MARCHF3: variants seen among roughly 807,000 people sequenced by gnomAD.
MARCHF3 encodes E3 ubiquitin-protein ligase MARCHF3.
A neutral mutation model predicts 24.2 loss-of-function variants in MARCHF3; 13 were observed. That is an observed-to-expected ratio of 0.54 (90% CI 0.35 to 0.85). MARCHF3 has a LOEUF of 0.85. Ranked by LOEUF, MARCHF3 falls within the 40% of genes least tolerant of loss-of-function variation. The probability of loss-of-function intolerance (pLI) is 0.01; values close to 1 mark genes in which losing one functional copy is unlikely to be tolerated. For missense variants in MARCHF3, 276 were observed against 325.0 expected, an observed-to-expected ratio of 0.85 and a Z score of 1.16; for synonymous variants, 144 against 137.3, an observed-to-expected ratio of 1.05 and a Z score of -0.34.
At chr5:126,965,802 C>T (rs954036837) in intron 1 of MARCHF3, among the ~76,000 whole-genome samples, 10 of 152,136 alleles carry the variant, frequency 6.6e-5, no homozygotes, top group African/African-American at 2.4e-4. Context: ...AATGGTGCAA[C>T]TGTCTGGGAA....
At chr5:127,028,710 AT>A (rs148592007) in intron 1 of MARCHF3, among the ~76,000 whole-genome samples, 11 of 151,368 alleles carry the variant, frequency 7.3e-5, no homozygotes, top group African/African-American at 4.9e-5. Flanking sequence ...TTCTGGAGGG[AT>A]TTTTTTTTCT....
chr5:127,000,014 C>T (rs1050128068), intron 1 of MARCHF3, among the ~76,000 whole-genome samples: 3 of 148,746 alleles, frequency 2.0e-5, no homozygotes, highest in African/African-American at 7.4e-5. Flanking sequence ...CTATAAAGTA[C>T]ATTAGAATAT....
chr5:126,890,897 CCCA>C (rs1268329306), intron 3 of MARCHF3, among the ~76,000 whole-genome samples: 26 of 148,206 alleles, frequency 1.8e-4, no homozygotes, highest in African/African-American at 6.4e-4. Context: ...AGTTTACAGT[CCCA>C]CCAACAGTGT....
intron 3 of MARCHF3, among the ~76,000 whole-genome samples, chr5:126,895,686 C>G (rs1753860982): frequency 6.6e-6 from 1 of 152,148 alleles, no homozygotes; most frequent in African/African-American, 2.4e-5. Flanking sequence ...TCTCCAGCTG[C>G]ATGCTGGGAG....
chr5:127,022,308 A>G (rs1460771252), intron 1 of MARCHF3, among the ~76,000 whole-genome samples: 1 of 152,240 alleles, frequency 6.6e-6, no homozygotes, highest in Non-Finnish European at 1.5e-5. Flanking sequence ...AAGGGAAAAG[A>G]TTAATGGTGA....
intron 1 of MARCHF3, among the ~76,000 whole-genome samples, chr5:126,989,333 ACTAC>A (rs1751672622): frequency 3.5e-5 from 5 of 141,148 alleles, no homozygotes; most frequent in African/African-American, 8.1e-5. Context: ...TACTACTACT[ACTAC>A]TAATAATAAT....
chr5:126,899,425 A>T (rs1307213319), intron 3 of MARCHF3, among the ~76,000 whole-genome samples: 1 of 152,152 alleles, frequency 6.6e-6, no homozygotes, highest in African/African-American at 2.4e-5. Context: ...GTACAGCCAC[A>T]TGAGGACTGA....
intron 1 of MARCHF3, among the ~76,000 whole-genome samples, chr5:126,968,814 CA>C (rs1361275766): frequency 6.6e-6 from 1 of 152,096 alleles, no homozygotes; most frequent in African/African-American, 2.4e-5. Context: ...CCAGGCCTCC[CA>C]AAGTGCTGGG....
At chr5:126,965,355 C>G (rs937194823) in intron 1 of MARCHF3, among the ~76,000 whole-genome samples, 1 of 152,278 alleles carries the variant, frequency 6.6e-6, no homozygotes, top group East Asian at 1.9e-4. Context: ...TGTATTGTTC[C>G]TCTTTCATGA....
intron 1 of MARCHF3, among the ~76,000 whole-genome samples, chr5:126,960,309 C>A (rs538106825): frequency 1.2e-3 from 186 of 152,208 alleles, no homozygotes; most frequent in African/African-American, 4.1e-3. Flanking sequence ...TTACTAATTT[C>A]GTTCCAGAGA....
chr5:126,928,492 T>A (rs968057808), intron 1 of MARCHF3, among the ~76,000 whole-genome samples: 29 of 152,228 alleles, frequency 1.9e-4, no homozygotes, highest in Admixed American at 6.5e-4. Flanking sequence ...AAATTTTTTT[T>A]AAAATGTTCA....
chr5:126,900,927 T>G (rs1007723368), intron 3 of MARCHF3, among the ~76,000 whole-genome samples: 2 of 151,934 alleles, frequency 1.3e-5, no homozygotes, highest in African/African-American at 4.8e-5. Flanking sequence ...GTCTCGAACT[T>G]CTGATCTTAG....
At chr5:126,990,690 C>T (rs1382886210) in intron 1 of MARCHF3, among the ~76,000 whole-genome samples, 1 of 152,038 alleles carries the variant, frequency 6.6e-6, no homozygotes, top group African/African-American at 2.4e-5. Flanking sequence ...AGAACTTAGA[C>T]AAATTTACAA....
intron 1 of MARCHF3, among the ~76,000 whole-genome samples, chr5:127,008,535 G>A (rs1752379031): frequency 6.6e-6 from 1 of 152,242 alleles, no homozygotes; most frequent in Non-Finnish European, 1.5e-5. Flanking sequence ...AGCCTTAACA[G>A]CTGCAAATGG....
intron 1 of MARCHF3, among the ~76,000 whole-genome samples, chr5:126,987,630 G>A (rs747862574): frequency 1.3e-5 from 2 of 152,158 alleles, no homozygotes; most frequent in African/African-American, 2.4e-5. Context: ...TACAAAGCAA[G>A]AATGAAAGAG....
chr5:126,957,684 T>C (rs1750495808), intron 1 of MARCHF3, among the ~76,000 whole-genome samples: 1 of 152,138 alleles, frequency 6.6e-6, no homozygotes, highest in South Asian at 2.1e-4. Flanking sequence ...TTGTAAAACA[T>C]CACATTTAAA....
intron 1 of MARCHF3, among the ~76,000 whole-genome samples, chr5:126,978,751 G>A (rs1457276185): frequency 6.6e-6 from 1 of 152,208 alleles, no homozygotes; most frequent in Non-Finnish European, 1.5e-5. Flanking sequence ...TCTCTCTTCT[G>A]TAACTGAGCA....
At chr5:126,908,540 A>T (rs1275204761) in intron 3 of MARCHF3, among the ~76,000 whole-genome samples, 3 of 151,846 alleles carry the variant, frequency 2.0e-5, no homozygotes, top group African/African-American at 4.8e-5. Context: ...TTTTTTCTCT[A>T]AACTTCCCTT....
chr5:126,895,294 CCTT>C (rs1753839438), intron 3 of MARCHF3, among the ~76,000 whole-genome samples: 1 of 152,100 alleles, frequency 6.6e-6, no homozygotes, highest in South Asian at 2.1e-4. Context: ...TCGTCTGAAG[CCTT>C]CTTCTCTCAG....
Sources: gnomAD v4.1 joint callset for allele counts (sites outside exome capture counted in the v4.1 genomes callset) on GRCh38, gnomAD v4.1.1 for gene constraint, MANE v1.5 for transcripts, NCBI Gene and HGNC (gene_info 2026-07-23, HGNC 2026-07-21) for gene names.